The following SGCD variants were observed in gnomAD, a reference collection of about 807,000 sequenced individuals.
SGCD encodes the protein delta-sarcoglycan.
Under a neutral mutation model 36.6 loss-of-function variants are expected in SGCD, and 18 were observed. The observed-to-expected ratio is 0.49, with a 90% CI of 0.34 to 0.73. SGCD has a LOEUF of 0.73. Among genes scored for constraint, SGCD ranks in the 30% least tolerant of loss-of-function variants. The probability of loss-of-function intolerance (pLI) is 0.01; values close to 1 mark genes in which losing one functional copy is unlikely to be tolerated. For synonymous variants in SGCD, 133 were observed against 130.6 expected, an observed-to-expected ratio of 1.02 and a Z score of -0.12; for missense variants, 387 against 346.7, an observed-to-expected ratio of 1.12 and a Z score of -0.92.
At chr5:156,401,926 AT>A (rs200940143) in intron 3 of SGCD, among the ~76,000 whole-genome samples, 2,452 of 152,198 alleles carry the variant, frequency 0.016, 70 homozygotes, top group African/African-American at 0.057. Flanking sequence ...CCATTACATA[AT>A]AACTCCCACA....
chr5:155,920,976 G>C (rs761565915), intron 1 of SGCD, among the ~76,000 whole-genome samples: 3 of 152,170 alleles, frequency 2.0e-5, no homozygotes, highest in Non-Finnish European at 4.4e-5. Flanking sequence ...CCATGTAGGA[G>C]ATAATTGAAG....
intron 1 of SGCD, among the ~76,000 whole-genome samples, chr5:155,975,710 A>C (rs1204779026): frequency 8.3e-6 from 1 of 120,842 alleles, no homozygotes; most frequent in East Asian, 2.6e-4. Context: ...GCTCACTGCA[A>C]CCTCCGCCTC....
chr5:156,404,805 G>A (rs1772328113), intron 3 of SGCD, among the ~76,000 whole-genome samples: 1 of 152,016 alleles, frequency 6.6e-6, no homozygotes, highest in Non-Finnish European at 1.5e-5. Context: ...TTATTTCTTT[G>A]GAAGATGTAC....
intron 1 of SGCD, among the ~76,000 whole-genome samples, chr5:156,079,034 A>G (rs890561307): frequency 7.3e-5 from 11 of 151,472 alleles, no homozygotes; most frequent in Non-Finnish European, 1.5e-4. Context: ...AAAAAAAAAA[A>G]AAAGAAAAGT....
chr5:156,424,190 A>G (rs1285343459), intron 3 of SGCD, among the ~76,000 whole-genome samples: 1 of 152,030 alleles, frequency 6.6e-6, no homozygotes. Flanking sequence ...TTATATGTTC[A>G]TGCATATTGT....
At chr5:156,032,034 C>A (rs1453369219) in intron 1 of SGCD, among the ~76,000 whole-genome samples, 2 of 152,050 alleles carry the variant, frequency 1.3e-5, no homozygotes, top group Admixed American at 1.3e-4. Flanking sequence ...CAGTGAGAAT[C>A]GCTGCTTACA....
intron 3 of SGCD, among the ~76,000 whole-genome samples, chr5:156,305,641 T>G (rs1442171632): frequency 6.6e-6 from 1 of 152,060 alleles, no homozygotes; most frequent in Admixed American, 6.5e-5. Flanking sequence ...AAGAGCACCG[T>G]CATCCTCCAG....
intron 6 of SGCD, among the ~76,000 whole-genome samples, chr5:156,623,001 C>G (rs562524681): frequency 1.7e-4 from 26 of 152,182 alleles, no homozygotes; most frequent in East Asian, 3.9e-4. Flanking sequence ...TGAAGCCCGA[C>G]AGTCACATTT....
intron 3 of SGCD, among the ~76,000 whole-genome samples, chr5:156,179,277 T>A (rs1417405992): frequency 1.3e-5 from 2 of 152,212 alleles, no homozygotes; most frequent in Non-Finnish European, 2.9e-5. Context: ...AAATCTTATA[T>A]CCTGATATCA....
intron 1 of SGCD, among the ~76,000 whole-genome samples, chr5:156,053,392 A>G (rs1255533029): frequency 1.4e-5 from 2 of 146,552 alleles, no homozygotes; most frequent in Non-Finnish European, 3.1e-5. Flanking sequence ...AACAGGAGAC[A>G]GGGGGCTGAG....
intron 3 of SGCD, among the ~76,000 whole-genome samples, chr5:156,279,955 C>G (rs542713180): frequency 6.6e-6 from 1 of 151,938 alleles, no homozygotes; most frequent in Non-Finnish European, 1.5e-5. Flanking sequence ...AAGTTACATA[C>G]TAATGAATAC....
At chr5:156,486,264 C>T (rs183644038) in intron 3 of SGCD, among the ~76,000 whole-genome samples, 1 of 152,122 alleles carries the variant, frequency 6.6e-6, no homozygotes, top group African/African-American at 2.4e-5. Context: ...AACTCTATCA[C>T]ACATGATGTC....
chr5:156,446,645 C>G (rs1008537143), intron 3 of SGCD, among the ~76,000 whole-genome samples: 2 of 152,102 alleles, frequency 1.3e-5, no homozygotes, highest in Non-Finnish European at 2.9e-5. Flanking sequence ...GGACAGATGG[C>G]CAAAGTTCTA....
At chr5:156,348,469 A>G (rs915370139) in intron 3 of SGCD, among the ~76,000 whole-genome samples, 2 of 152,208 alleles carry the variant, frequency 1.3e-5, no homozygotes, top group Non-Finnish European at 2.9e-5. Flanking sequence ...AACAATGGCC[A>G]AGCTGAGAAA....
the SGCD span, among the ~76,000 whole-genome samples, chr5:155,852,970 G>A: frequency 6.6e-6 from 1 of 151,988 alleles, no homozygotes; most frequent in Non-Finnish European, 1.5e-5. Context: ...ATTGGGACAT[G>A]CTCCTAATAA....
At chr5:156,754,219 A>T (rs1275552689) in intron 7 of SGCD, among the ~76,000 whole-genome samples, 4 of 152,298 alleles carry the variant, frequency 2.6e-5, no homozygotes, top group South Asian at 4.1e-4. Context: ...GCGAATTCTA[A>T]TGCCTGTCTG....
the SGCD span, among the ~76,000 whole-genome samples, chr5:155,845,884 G>A: frequency 6.6e-6 from 1 of 152,184 alleles, no homozygotes; most frequent in Non-Finnish European, 1.5e-5. Context: ...GGGCACTGCT[G>A]TCTCTTCATC....
chr5:155,727,963 T>A, the SGCD span, among the ~76,000 whole-genome samples: 2 of 152,170 alleles, frequency 1.3e-5, no homozygotes, highest in Non-Finnish European at 2.9e-5. Flanking sequence ...CGTAGTCGCC[T>A]CTGGCCGCCG....
intron 3 of SGCD, among the ~76,000 whole-genome samples, chr5:156,294,255 C>T (rs1282147967): frequency 1.3e-5 from 2 of 152,050 alleles, no homozygotes; most frequent in Non-Finnish European, 2.9e-5. Context: ...GGGTTTTCTA[C>T]ATATAAATTA....
Sources: allele counts gnomAD v4.1 joint callset (sites outside exome capture counted in the v4.1 genomes callset), GRCh38; gene constraint gnomAD v4.1.1; transcripts MANE v1.5; gene names NCBI Gene and HGNC (gene_info 2026-07-23, HGNC 2026-07-21).